The following NPHP4 variants were observed in gnomAD, a reference collection of about 807,000 sequenced individuals.
NPHP4 encodes nephrocystin 4.
Under a neutral mutation model 155.8 loss-of-function variants are expected in NPHP4, and 151 were observed. The ratio of observed to expected loss-of-function variants is 0.97; its 90% CI spans 0.85 to 1.11. NPHP4 has a LOEUF of 1.11. NPHP4 is among the 50% of genes least tolerant of loss of function. The probability of loss-of-function intolerance (pLI) is 0.00; values close to 1 mark genes in which losing one functional copy is unlikely to be tolerated. For missense variants in NPHP4, 1,956 were observed against 1,925.7 expected (o/e 1.02, Z -0.29); for synonymous variants, 845 against 816.8 (o/e 1.03, Z -0.59).
chr1:5,970,428 G>C (rs1191415636), intron 3 of NPHP4, among the ~76,000 whole-genome samples: 1 of 152,088 alleles, frequency 6.6e-6, no homozygotes. Flanking sequence ...ACTTGAGCCT[G>C]GGAAGCAGAG....
intron 10 of NPHP4, among the ~76,000 whole-genome samples, chr1:5,931,462 G>A (rs954489737): frequency 3.3e-5 from 5 of 151,090 alleles, no homozygotes; most frequent in South Asian, 2.1e-4. Context: ...ATTGCTGGCC[G>A]GGTGCAGTGA....
At chr1:5,942,578 C>A (rs1278532065) in intron 9 of NPHP4, among the ~76,000 whole-genome samples, 32 of 60,230 alleles carry the variant, frequency 5.3e-4, no homozygotes, top group East Asian at 2.4e-3. Context: ...AAAATAAAAT[C>A]ATAAATGACA....
chr1:5,958,763 G>A (rs1271714909), intron 6 of NPHP4, among the ~76,000 whole-genome samples: 6 of 144,290 alleles, frequency 4.2e-5, no homozygotes, highest in African/African-American at 1.5e-4. Context: ...GGAGGCTGAG[G>A]TGGGAGATTG....
rs1426102995 is a variant in NPHP4 at position 5,866,367 on chromosome 1, A to G, written c.3644+6T>C. The G allele has an allele frequency of 1.9e-6, 3 of 1,588,122 alleles. No homozygotes were observed. The highest frequency in any genetic ancestry group is 2.6e-6 in the Non-Finnish European group (3 of 1,160,038). ...GCCTCCAGGTCCCCAAAGCCTGTGC[A>G]CTTACGAGTAAATGATGACAAAGAA... On this transcript the variant is annotated splice_donor_region_variant and intron_variant, in intron 26 of 29. Coordinates refer to ENST00000378156, the MANE Select transcript of NPHP4 (RefSeq NM_015102.5).
Position 5,928,918 on chromosome 1 carries a change from C to T in NPHP4, c.1303-1131G>A, listed in dbSNP as rs546290219. ...AGTTTCCCAAGACATAAACATGTTA[C>T]GTCTCTCCAATTATTTAGGTCTTCT... is the stretch of plus-strand genomic sequence containing the variant. On this transcript the variant is annotated intron_variant, in intron 10 of 29. Transcript: ENST00000378156. Among the ~76,000 whole-genome samples the T allele has an allele frequency of 9.2e-5, 14 of 152,276 alleles. No individual in the cohort carries two copies. In the East Asian group the frequency reaches 2.1e-3, roughly 23 times the overall value.
chr1:5,878,664 A>G (rs1352300005), intron 19 of NPHP4, among the ~76,000 whole-genome samples: 1 of 152,198 alleles, frequency 6.6e-6, no homozygotes, highest in African/African-American at 2.4e-5. Context: ...CCTGGTCCTG[A>G]GCAAAACAGG....
chr1:5,919,935 T>C (rs1475730604), intron 11 of NPHP4, among the ~76,000 whole-genome samples: 2 of 152,058 alleles, frequency 1.3e-5, no homozygotes, highest in Non-Finnish European at 2.9e-5. Flanking sequence ...TATCTATCTA[T>C]CTACCTATCT....
chr1:5,900,399 G>A (rs1644612022), intron 16 of NPHP4, among the ~76,000 whole-genome samples: 1 of 152,178 alleles, frequency 6.6e-6, no homozygotes, highest in Non-Finnish European at 1.5e-5. Flanking sequence ...GAGTGAGCGA[G>A]ACACAAAAAG....
chr1:5,884,823 A>G (rs12750082), intron 18 of NPHP4, among the ~76,000 whole-genome samples: 198 of 73,068 alleles, frequency 2.7e-3, no homozygotes, highest in Middle Eastern at 0.014. Context: ...CCAAACCCCC[A>G]TCCTACTCCA....
intron 20 of NPHP4, chr1:5,876,526 G>A (rs1006457989): frequency 1.3e-5 from 2 of 152,292 alleles, no homozygotes; most frequent in Non-Finnish European, 2.9e-5. Flanking sequence ...TGAGTTTACT[G>A]TCAGGAAAAG....
chr1:5,885,388 C>A (rs1358766905), intron 18 of NPHP4, among the ~76,000 whole-genome samples: 1 of 152,182 alleles, frequency 6.6e-6, no homozygotes, highest in Non-Finnish European at 1.5e-5. Context: ...CCCAAGCTCC[C>A]AGCCGAACCC....
rs926921791 is a variant in NPHP4 at position 5,874,677 on chromosome 1, G to C, written c.3045-20C>G. The C allele has an allele frequency of 3.1e-6, 5 of 1,608,342 alleles. No homozygotes were observed. The highest frequency in any genetic ancestry group is 4.2e-6 in the Non-Finnish European group (5 of 1,178,360). ...ATGACGCTGGGGGAGGCAGTGTCCA[G>C]GCGTCAGGGCAGTTCTTCCCAGGAG... On this transcript the variant is annotated intron_variant, in intron 21 of 29. Transcript: ENST00000378156.
chr1:5,969,098 G>C lies in NPHP4; in HGVS notation c.441C>G (p.Ser147=). ...AACAAGGCAGGTACCTTTTGTCCTG[G>C]GAAGCAGAGATAGGAGAGTCCGGCT... ...SNQPDSPISA[S]QDKRLRLYHG... is the part of the protein sequence containing the mutation. The change falls in exon 4 of 30, where the codon TCC becomes TCG. Residue 147 remains serine, a synonymous_variant. Coordinates refer to ENST00000378156, the MANE Select transcript of NPHP4 (RefSeq NM_015102.5). 6.5e-7 allele frequency: 1 copy of C among 1,550,054 alleles called. No homozygotes were observed. The highest frequency in any genetic ancestry group is 8.7e-7 in the Non-Finnish European group (1 of 1,145,706).
chr1:5,890,559 A>G lies in NPHP4; in HGVS notation c.2304+309T>C, dbSNP rs1322359087. Among the ~76,000 whole-genome samples the G allele has an allele frequency of 6.6e-6, 1 of 152,152 alleles. No individual in the cohort carries two copies. The highest frequency in any genetic ancestry group is 6.5e-5 in the Admixed American group (1 of 15,270). On this transcript the variant is annotated intron_variant, in intron 17 of 29. Transcript: ENST00000378156. The surrounding 1 kb of genome is among the most constrained non-coding windows in gnomAD (Gnocchi z 4.9). ...CCTCGGATGCACCTGCCCTCACCACATTCACCACATGGGAGGAGATGAAGT... is the reference window on the plus strand; with the variant it reads ...CCTCGGATGCACCTGCCCTCACCACGTTCACCACATGGGAGGAGATGAAGT...
chr1:5,906,726 C>G (rs1644930069), intron 13 of NPHP4, among the ~76,000 whole-genome samples: 1 of 152,248 alleles, frequency 6.6e-6, no homozygotes, highest in Admixed American at 6.5e-5. Flanking sequence ...GGGCTCCACT[C>G]ACCTCCTTTA....
At chr1:5,920,352 C>A (rs1208161424) in intron 11 of NPHP4, among the ~76,000 whole-genome samples, 2 of 152,180 alleles carry the variant, frequency 1.3e-5, no homozygotes, top group South Asian at 2.1e-4. Flanking sequence ...TGAGCCACTG[C>A]GCCCAGCCGG....
At chr1:5,918,234 G>T (rs1468746284) in intron 11 of NPHP4, among the ~76,000 whole-genome samples, 2 of 152,138 alleles carry the variant, frequency 1.3e-5, no homozygotes, top group East Asian at 3.9e-4. Context: ...TTACAGATAA[G>T]TACAGGTTTC....
intron 1 of NPHP4, among the ~76,000 whole-genome samples, chr1:5,988,665 G>T (rs1322525130): frequency 6.6e-6 from 1 of 152,234 alleles, no homozygotes; most frequent in African/African-American, 2.4e-5. Flanking sequence ...TTTGAGAAGG[G>T]TTGTGCTAAT....
At position 5,877,165 on chromosome 1, in the gene NPHP4, CT is replaced by C; in HGVS notation, c.2744del (p.Lys915SerfsTer5). On this transcript the variant is annotated frameshift_variant, in exon 20 of 30. Coordinates refer to ENST00000378156, the MANE Select transcript of NPHP4 (RefSeq NM_015102.5). LOFTEE classifies it high-confidence loss of function. ...SRESDATRRR[K>X]LERMRSVRLQ... ...GGCGCACAGACCTCATCCGCTCCAG[CT>C]TACGCCTGCGGGTGGCATCCGACTC... 6.2e-7 allele frequency: 1 copy of C among 1,606,374 alleles called. No individual in the cohort carries two copies.
Sources: allele counts gnomAD v4.1 joint callset (sites outside exome capture counted in the v4.1 genomes callset), GRCh38; gene constraint gnomAD v4.1.1; non-coding constraint Gnocchi (gnomAD v3.1); transcripts MANE v1.5; gene names NCBI Gene and HGNC (gene_info 2026-07-23, HGNC 2026-07-21).